The following MTM1 variants were observed in gnomAD, a reference collection of about 807,000 sequenced individuals.
MTM1 encodes the protein myotubularin 1.
In MTM1, 9 loss-of-function variants were observed where a neutral mutation model predicts 52.1. The observed-to-expected ratio is 0.17, with a 90% CI of 0.10 to 0.30. The LOEUF is 0.30. Ranked by LOEUF, MTM1 falls within the 10% of genes least tolerant of loss-of-function variation. The pLI is 1.00. For missense variants in MTM1, 277 were observed against 470.7 expected (o/e 0.59, Z 3.81); for synonymous variants, 136 against 163.8 (o/e 0.83, Z 1.29).
At chrX:150,605,924 C>T (rs1290710020) in intron 4 of MTM1, among the ~76,000 whole-genome samples, 5 of 109,884 alleles carry the variant, frequency 4.6e-5, no homozygotes, top group Non-Finnish European at 9.5e-5. Context: ...CAAAGCCAGA[C>T]CTATATTCTT....
intron 4 of MTM1, among the ~76,000 whole-genome samples, chrX:150,613,813 A>G (rs782071420): frequency 8.9e-6 from 1 of 111,903 alleles, no homozygotes; most frequent in Non-Finnish European, 1.9e-5. Context: ...TTACTTGACT[A>G]ACATGATTCC....
At chrX:150,640,043 A>G (rs1832028932) in intron 7 of MTM1, among the ~76,000 whole-genome samples, 1 of 111,573 alleles carries the variant, frequency 9.0e-6, no homozygotes, top group East Asian at 2.8e-4. Flanking sequence ...TGTTGCTTCC[A>G]TAAGTCACGT....
chrX:150,582,178 G>A (rs1378466817), intron 1 of MTM1, among the ~76,000 whole-genome samples: 13 of 111,241 alleles, frequency 1.2e-4, no homozygotes, highest in African/African-American at 4.3e-4. Flanking sequence ...CCACTATATA[G>A]TTACTGATTG....
rs782608445 is a variant in MTM1 at position 150,619,154 on chromosome X, T to C, written c.444+15T>C. 1.5e-5 allele frequency: 17 copies of C among 1,149,114 alleles called. No homozygotes were observed. In the Admixed American group the frequency reaches 1.8e-4, roughly 12 times the overall value. 94.7% of individuals were successfully genotyped at this position (1,149,114 alleles called of 1,213,427 possible). A position where few individuals can be genotyped will look rare whatever the true frequency, so the allele number is the denominator to read the frequency against. On this transcript the variant is annotated intron_variant, in intron 6 of 14. Coordinates refer to ENST00000370396, the MANE Select transcript of MTM1 (RefSeq NM_000252.3). The stretch of plus-strand genomic sequence containing the variant: ...CTCACAGTCTGGTAAATTCCAGTGC[T>C]CTCCTCAGCGTGGGAAGGTTCTCAG...
chrX:150,583,597 T>A (rs367877820), intron 1 of MTM1, among the ~76,000 whole-genome samples: 1 of 33,361 alleles, frequency 3.0e-5, no homozygotes, highest in Non-Finnish European at 4.5e-5. Flanking sequence ...ATAATTTATA[T>A]ATAATATATA....
chrX:150,600,733 C>T (rs924293168), intron 4 of MTM1, among the ~76,000 whole-genome samples: 2 of 112,067 alleles, frequency 1.8e-5, no homozygotes, highest in Non-Finnish European at 3.8e-5. Flanking sequence ...TCCCAAGGGT[C>T]AAATTAGGAT....
intron 8 of MTM1, among the ~76,000 whole-genome samples, chrX:150,643,542 T>A (rs1028540575): frequency 1.8e-5 from 2 of 111,763 alleles, no homozygotes; most frequent in Non-Finnish European, 3.8e-5. Flanking sequence ...CACACACATA[T>A]GTATATATAT....
Position 150,583,800 on chromosome X carries a change from ATATT to A in MTM1, c.-10-8804_-10-8801del, listed in dbSNP as rs1260961009. ...AATATATAAAATATATATAAAATAT[ATATT>A]AAATATATATATTAAATATACAAAA... On this transcript the variant is annotated intron_variant, in intron 1 of 14. Transcript: ENST00000370396. Among the ~76,000 whole-genome samples the A allele has an allele frequency of 1.5e-4, 8 of 51,680 alleles. No individual in the cohort carries two copies. In the East Asian group the frequency reaches 4.5e-3, roughly 29 times the overall value. 44.9% of individuals were successfully genotyped at this position (51,680 alleles called of 115,157 possible).
rs782355553 is a variant in MTM1 at position 150,612,459 on chromosome X, A to T, written c.232-2130A>T. On this transcript the variant is annotated intron_variant, in intron 4 of 14. Transcript: ENST00000370396. ...GTAATCCCAATACTTTGAGAGGCCA[A>T]GGCAGGAGGATTGCTTGAGCCCAGG... 3.6e-5 allele frequency among the ~76,000 whole-genome samples: 4 copies of T among 111,929 alleles called. No individual in the cohort carries two copies. The East Asian group carries it at 1.1e-3, about 31-fold the overall frequency.
intron 10 of MTM1, among the ~76,000 whole-genome samples, chrX:150,656,488 G>A (rs1557414417): frequency 8.9e-6 from 1 of 111,960 alleles, no homozygotes; most frequent in African/African-American, 3.3e-5. Context: ...CTCCAGAACT[G>A]TGAGACAATA....
chrX:150,654,480 T>C (rs149340751), intron 10 of MTM1, among the ~76,000 whole-genome samples: 44 of 112,038 alleles, frequency 3.9e-4, no homozygotes, highest in African/African-American at 1.4e-3. Context: ...GCTCTAGTCA[T>C]TTTAGGAGTA....
chrX:150,567,364 T>C (rs1045334465), upstream of MTM1, among the ~76,000 whole-genome samples: 4 of 111,518 alleles, frequency 3.6e-5, no homozygotes, highest in Non-Finnish European at 5.6e-5. Context: ...TGTGACTATG[T>C]AGAAACACAC....
chrX:150,597,104 T>C (rs5925391), intron 3 of MTM1: 43,564 of 116,126 alleles, frequency 0.38, 7,167 homozygotes, highest in East Asian at 0.68. Context: ...GCTAGATCAC[T>C]ACGGCTTAAG....
At chrX:150,610,616 T>A (rs782715676) in intron 4 of MTM1, among the ~76,000 whole-genome samples, 2 of 112,091 alleles carry the variant, frequency 1.8e-5, no homozygotes, top group South Asian at 7.4e-4. Flanking sequence ...TATTCCTGGA[T>A]CTTGCAGTTT....
At chrX:150,601,508 G>A (rs2039067091) in intron 4 of MTM1, among the ~76,000 whole-genome samples, 1 of 112,425 alleles carries the variant, frequency 8.9e-6, no homozygotes, top group African/African-American at 3.2e-5. Flanking sequence ...TTTGTTTCAG[G>A]TATGTAAACA....
intron 1 of MTM1, among the ~76,000 whole-genome samples, chrX:150,573,046 T>G (rs1557411507): frequency 8.9e-6 from 1 of 112,858 alleles, no homozygotes; most frequent in Admixed American, 9.3e-5. Flanking sequence ...TGGAGATATT[T>G]TTTCTGATTG....
intron 1 of MTM1, among the ~76,000 whole-genome samples, chrX:150,574,049 T>C (rs952357207): frequency 1.8e-5 from 2 of 111,584 alleles, no homozygotes; most frequent in Non-Finnish European, 3.8e-5. Context: ...CTTGCCCATG[T>C]CAGTGGTTCT....
intron 6 of MTM1, among the ~76,000 whole-genome samples, chrX:150,631,570 C>T (rs1295247694): frequency 1.0e-5 from 1 of 98,865 alleles, no homozygotes; most frequent in Non-Finnish European, 2.0e-5. Context: ...GGCTGAGGCA[C>T]GAGAATTGCT....
chrX:150,660,072 G>C (rs1032010885), intron 12 of MTM1, among the ~76,000 whole-genome samples: 12 of 112,224 alleles, frequency 1.1e-4, no homozygotes, highest in Non-Finnish European at 1.9e-4. Context: ...ATATAGCTGT[G>C]TCTGCTATCT....
Sources: gnomAD v4.1 joint callset for allele counts (sites outside exome capture counted in the v4.1 genomes callset) on GRCh38, gnomAD v4.1.1 for gene constraint, MANE v1.5 for transcripts, NCBI Gene and HGNC (gene_info 2026-07-23, HGNC 2026-07-21) for gene names.